PRIMA1: variants seen among roughly 807,000 people sequenced by gnomAD.
The protein encoded by PRIMA1 is proline-rich membrane anchor 1.
A neutral mutation model predicts 17.5 loss-of-function variants in PRIMA1; 7 were observed. The observed-to-expected ratio is 0.40, with a 90% CI of 0.23 to 0.75. PRIMA1 has a LOEUF of 0.75. Among genes scored for constraint, PRIMA1 ranks in the 30% least tolerant of loss-of-function variants. The probability of loss-of-function intolerance (pLI) is 0.37; values close to 1 mark genes in which losing one functional copy is unlikely to be tolerated. For missense variants in PRIMA1, 200 were observed against 201.8 expected (o/e 0.99, Z 0.05); for synonymous variants, 97 against 77.9 (o/e 1.25, Z -1.29).
chr14:93,786,359 G>A (rs1213418158), intron 2 of PRIMA1, among the ~76,000 whole-genome samples: 1 of 152,210 alleles, frequency 6.6e-6, no homozygotes, highest in South Asian at 2.1e-4. Flanking sequence ...GAAGAGAGCA[G>A]AAGATGGGGC....
chr14:93,746,570 T>C (rs549724586), intron 3 of PRIMA1, among the ~76,000 whole-genome samples: 5 of 151,740 alleles, frequency 3.3e-5, no homozygotes, highest in African/African-American at 1.2e-4. Context: ...CATGGGGCCA[T>C]GGGGATGCCA....
intron 3 of PRIMA1, among the ~76,000 whole-genome samples, chr14:93,774,678 G>A (rs552876847): frequency 1.1e-4 from 16 of 152,182 alleles, no homozygotes; most frequent in Admixed American, 5.9e-4. Flanking sequence ...TCCCAAATCC[G>A]TCCTCCCTGC....
chr14:93,784,709 C>T (rs773532684), intron 2 of PRIMA1, among the ~76,000 whole-genome samples: 1 of 152,160 alleles, frequency 6.6e-6, no homozygotes, highest in Non-Finnish European at 1.5e-5. Context: ...ATCCTAACTT[C>T]TCATCCTTCA....
intron 3 of PRIMA1, among the ~76,000 whole-genome samples, chr14:93,747,428 T>G (rs1210219252): frequency 6.6e-6 from 1 of 151,554 alleles, no homozygotes; most frequent in Non-Finnish European, 1.5e-5. Flanking sequence ...GAAATGGAAA[T>G]GGTGGGGATG....
intron 3 of PRIMA1, among the ~76,000 whole-genome samples, chr14:93,770,401 G>A (rs1344358942): frequency 6.6e-6 from 1 of 152,194 alleles, no homozygotes. Flanking sequence ...CTCCCTGTGG[G>A]CTCACCTCCT....
At chr14:93,784,170 T>C (rs998184610) in intron 2 of PRIMA1, among the ~76,000 whole-genome samples, 9 of 152,210 alleles carry the variant, frequency 5.9e-5, no homozygotes, top group Non-Finnish European at 1.0e-4. Flanking sequence ...CAATATTATA[T>C]GGGAAAGATG....
chr14:93,752,590 G>A (rs1436653750), intron 3 of PRIMA1, among the ~76,000 whole-genome samples: 6 of 152,040 alleles, frequency 3.9e-5, no homozygotes, highest in Non-Finnish European at 8.8e-5. Context: ...GGTGAAACAG[G>A]GCCAGGCCCC....
rs2076138534 is a variant in PRIMA1, at chr14:93,734,734, C to T, written c.359+2507G>A. 5.3e-5 allele frequency among the ~76,000 whole-genome samples: 8 copies of T among 151,816 alleles called. No homozygotes were observed. The South Asian group carries it at 1.2e-3, about 24-fold the overall frequency. ...ATGCCTCTAGAAGAAGCCCCGCCCACGCCCTGGTGGAGCCCCGCCCCTGCC... is the reference window on the plus strand; with the variant it reads ...ATGCCTCTAGAAGAAGCCCCGCCCATGCCCTGGTGGAGCCCCGCCCCTGCC... On this transcript the variant is annotated intron_variant, in intron 4 of 4. Coordinates refer to ENST00000393140, the MANE Select transcript of PRIMA1 (RefSeq NM_178013.4).
At position 93,721,438 on chromosome 14, in the gene PRIMA1, GCAGAC is replaced by G; in HGVS notation, c.*1_*5del. On this transcript the variant is annotated 3_prime_UTR_variant, in exon 5 of 5. Coordinates refer to ENST00000393140, the MANE Select transcript of PRIMA1 (RefSeq NM_178013.4). ...CCTCTGGCCAGCGGGTCCAGGGCCTGCAGACTCACACCACTGCGTTGTTCACGTCT... is the reference window on the plus strand; with the variant it reads ...CCTCTGGCCAGCGGGTCCAGGGCCTGTCACACCACTGCGTTGTTCACGTCT... 6.3e-7 allele frequency: 1 copy of G among 1,599,186 alleles called. No homozygotes were observed. The highest frequency in any genetic ancestry group is 8.6e-7 in the Non-Finnish European group (1 of 1,166,970).
intron 2 of PRIMA1, among the ~76,000 whole-genome samples, chr14:93,781,376 TG>T: frequency 6.6e-6 from 1 of 152,374 alleles, no homozygotes; most frequent in African/African-American, 2.4e-5. Context: ...TCTGAGACCC[TG>T]GGGTTTGCTA....
At chr14:93,746,925 G>A (rs1284349315) in intron 3 of PRIMA1, among the ~76,000 whole-genome samples, 4 of 152,286 alleles carry the variant, frequency 2.6e-5, no homozygotes, top group Admixed American at 6.5e-5. Context: ...TACTGGGTCC[G>A]TGCAGCTTTG....
chr14:93,777,361 G>T (rs1262813177), intron 3 of PRIMA1, among the ~76,000 whole-genome samples: 2 of 151,944 alleles, frequency 1.3e-5, no homozygotes, highest in African/African-American at 4.8e-5. Flanking sequence ...TTTTGAGACG[G>T]AGTCTCACTC....
chr14:93,777,511 T>C lies in PRIMA1; in HGVS notation c.229+1665A>G, dbSNP rs1290303848. The stretch of plus-strand genomic sequence containing the variant: ...GCCACCAACGCCTGGCTAATTTTTA[T>C]ATTTTTAGTAGAGACGGGGTTTCAC... On this transcript the variant is annotated intron_variant, in intron 3 of 4. Coordinates refer to ENST00000393140, the MANE Select transcript of PRIMA1 (RefSeq NM_178013.4). Among the ~76,000 whole-genome samples, 4 of 152,176 alleles carry C rather than the reference T, an allele frequency of 2.6e-5. No individual in the cohort carries two copies. In the East Asian group the frequency reaches 5.8e-4, roughly 22 times the overall value.
intron 3 of PRIMA1, among the ~76,000 whole-genome samples, chr14:93,738,612 C>G (rs80225097): frequency 1.3e-5 from 2 of 152,124 alleles, no homozygotes; most frequent in Non-Finnish European, 2.9e-5. Context: ...AAGTGGGGAA[C>G]CAGGGGATGA....
chr14:93,742,451 G>A (rs1291787416), intron 3 of PRIMA1, among the ~76,000 whole-genome samples: 1 of 152,198 alleles, frequency 6.6e-6, no homozygotes, highest in Admixed American at 6.5e-5. Context: ...ATGGCACATC[G>A]TGGCAAGTGC....
chr14:93,724,728 GAA>G (rs2076063213), intron 4 of PRIMA1, among the ~76,000 whole-genome samples: 1 of 152,196 alleles, frequency 6.6e-6, no homozygotes, highest in African/African-American at 2.4e-5. Context: ...TTAACAGGCA[GAA>G]AAGAGTCTGG....
intron 3 of PRIMA1, among the ~76,000 whole-genome samples, chr14:93,761,549 G>A (rs1448875882): frequency 1.3e-5 from 2 of 152,072 alleles, no homozygotes; most frequent in African/African-American, 4.8e-5. Flanking sequence ...TGTTCCCTCT[G>A]CCTGGAATGC....
At chr14:93,762,673 A>G (rs1305077244) in intron 3 of PRIMA1, among the ~76,000 whole-genome samples, 7 of 152,110 alleles carry the variant, frequency 4.6e-5, no homozygotes, top group Non-Finnish European at 1.0e-4. Flanking sequence ...GTCTCATCTC[A>G]GCACAGCAGC....
At chr14:93,725,795 T>C (rs1238039841) in intron 4 of PRIMA1, 1 of 362,150 alleles carries the variant, frequency 2.8e-6, no homozygotes, top group African/African-American at 2.1e-5. Flanking sequence ...CCCCACCGGC[T>C]GGCAGCAGCC....
Sources: gnomAD v4.1 joint callset for allele counts (sites outside exome capture counted in the v4.1 genomes callset) on GRCh38, gnomAD v4.1.1 for gene constraint, MANE v1.5 for transcripts, NCBI Gene and HGNC (gene_info 2026-07-23, HGNC 2026-07-21) for gene names.